The following ANO10 variants were observed in gnomAD, a reference collection of about 807,000 sequenced individuals.
ANO10 encodes the protein anoctamin 10.
In ANO10, 77 loss-of-function variants were observed where a neutral mutation model predicts 74.7. The observed-to-expected ratio is 1.03, with a 90% confidence interval of 0.86 to 1.25. The LOEUF is 1.25. Among genes scored for constraint, ANO10 ranks in the 50% most tolerant of loss-of-function variants. The probability of loss-of-function intolerance (pLI) is 0.00; values close to 1 mark genes in which losing one functional copy is unlikely to be tolerated. For synonymous variants in ANO10, 279 were observed against 284.9 expected (o/e 0.98, Z 0.21); for missense variants, 721 against 778.1 (o/e 0.93, Z 0.87).
intron 11 of ANO10, among the ~76,000 whole-genome samples, chr3:43,497,667 C>G (rs549899471): frequency 6.6e-6 from 1 of 152,278 alleles, no homozygotes; most frequent in African/African-American, 2.4e-5. Flanking sequence ...GGAGGGGCCC[C>G]TACCACCTCC....
intron 11 of ANO10, among the ~76,000 whole-genome samples, chr3:43,549,139 G>A (rs1207128451): frequency 1.3e-5 from 2 of 151,218 alleles, no homozygotes; most frequent in Non-Finnish European, 2.9e-5. Context: ...GTCTCGCTCT[G>A]TTGCCCAGGC....
intron 11 of ANO10, among the ~76,000 whole-genome samples, chr3:43,449,114 T>C (rs2074727563): frequency 6.6e-6 from 1 of 152,120 alleles, no homozygotes; most frequent in African/African-American, 2.4e-5. Flanking sequence ...TGACCTCAAG[T>C]GATCCACCCA....
chr3:43,475,982 T>C (rs1367785256), intron 11 of ANO10, among the ~76,000 whole-genome samples: 1 of 152,216 alleles, frequency 6.6e-6, no homozygotes, highest in East Asian at 1.9e-4. Flanking sequence ...TCTGGTGCCA[T>C]TATCATAATT....
intron 11 of ANO10, among the ~76,000 whole-genome samples, chr3:43,521,569 A>G (rs2077958927): frequency 6.6e-6 from 1 of 152,226 alleles, no homozygotes; most frequent in South Asian, 2.1e-4. Flanking sequence ...ATCACTGGGG[A>G]AATGCAAATC....
At position 43,496,458 on chromosome 3, in the gene ANO10, G is replaced by A. The variant is rs532763502; in HGVS notation, c.1797+53262C>T. 2.0e-5 allele frequency among the ~76,000 whole-genome samples: 3 copies of A among 151,898 alleles called. No individual in the cohort carries two copies. The South Asian group carries it at 6.2e-4, about 32-fold the overall frequency. ...CAATTCTATTCTTTTTTTTGAGGCGGGTTCTTGCTCTGTCACCCAGGCTTG... is the reference window on the plus strand; with the variant it reads ...CAATTCTATTCTTTTTTTTGAGGCGAGTTCTTGCTCTGTCACCCAGGCTTG... On this transcript the variant is annotated intron_variant, in intron 11 of 12. Transcript: ENST00000292246.
chr3:43,619,354 T>C (rs1415045536), intron 1 of ANO10, among the ~76,000 whole-genome samples: 3 of 152,144 alleles, frequency 2.0e-5, no homozygotes, highest in Admixed American at 2.0e-4. Context: ...AGTGGGACAA[T>C]TAGTGAAATT....
At chr3:43,593,235 T>C (rs1343109088) in intron 4 of ANO10, among the ~76,000 whole-genome samples, 1 of 152,084 alleles carries the variant, frequency 6.6e-6, no homozygotes, top group Non-Finnish European at 1.5e-5. Context: ...CAGGCCAACA[T>C]TCAAATACAG....
chr3:43,375,229 T>A (rs2125682679), intron 12 of ANO10, among the ~76,000 whole-genome samples: 1 of 152,138 alleles, frequency 6.6e-6, no homozygotes, highest in South Asian at 2.1e-4. Flanking sequence ...GTGGATCACC[T>A]GAGGTCAGGA....
chr3:43,571,481 T>C (rs539172556), intron 7 of ANO10, among the ~76,000 whole-genome samples: 122 of 152,172 alleles, frequency 8.0e-4, no homozygotes, highest in African/African-American at 2.7e-3. Context: ...GTGGCACATA[T>C]ACACCATGGA....
intron 4 of ANO10, among the ~76,000 whole-genome samples, chr3:43,593,021 T>C (rs1226433600): frequency 3.9e-5 from 6 of 152,020 alleles, no homozygotes; most frequent in Non-Finnish European, 8.8e-5. Flanking sequence ...TGATTGAAGA[T>C]CAAATGAATG....
intron 12 of ANO10, among the ~76,000 whole-genome samples, chr3:43,377,810 C>T (rs1300981262): frequency 6.6e-6 from 1 of 152,144 alleles, no homozygotes; most frequent in Non-Finnish European, 1.5e-5. Flanking sequence ...GAATTGAAGC[C>T]TTGACAGTTT....
intron 1 of ANO10, among the ~76,000 whole-genome samples, chr3:43,650,812 A>G (rs1304118559): frequency 6.6e-6 from 1 of 152,214 alleles, no homozygotes; most frequent in Non-Finnish European, 1.5e-5. Flanking sequence ...GTGTTGTACT[A>G]ACATTAATGT....
At chr3:43,660,365 A>G (rs1156788925) in intron 1 of ANO10, among the ~76,000 whole-genome samples, 1 of 152,098 alleles carries the variant, frequency 6.6e-6, no homozygotes, top group African/African-American at 2.4e-5. Flanking sequence ...AGGTTAGATC[A>G]AGCTAACTAG....
chr3:43,411,255 C>G (rs2092660686), intron 12 of ANO10, among the ~76,000 whole-genome samples: 1 of 152,154 alleles, frequency 6.6e-6, no homozygotes, highest in Non-Finnish European at 1.5e-5. Context: ...CACTAAGAAT[C>G]AGAGCAAGGC....
chr3:43,409,666 T>C (rs921826808), intron 12 of ANO10, among the ~76,000 whole-genome samples: 2 of 152,226 alleles, frequency 1.3e-5, no homozygotes, highest in African/African-American at 4.8e-5. Flanking sequence ...TCATGTTACT[T>C]ACAGCTAATT....
chr3:43,396,589 A>G lies in ANO10; in HGVS notation c.1915-29615T>C, dbSNP rs553252415. Among the ~76,000 whole-genome samples the G allele has an allele frequency of 2.6e-5, 4 of 152,166 alleles. No individual in the cohort carries two copies. In the East Asian group the frequency reaches 5.8e-4, roughly 22 times the overall value. ...CCTGACCTCGTGATCCACCCGCCTC[A>G]GCCTCCCAAAGTGCTGGGATTACAG... On this transcript the variant is annotated intron_variant, in intron 12 of 12. Coordinates refer to ENST00000292246, the MANE Select transcript of ANO10 (RefSeq NM_018075.5).
In ANO10 at chr3:43,665,382, C is replaced by A. The variant is rs534308844; in HGVS notation, c.-12+26135G>T. Among the ~76,000 whole-genome samples the A allele has an allele frequency of 5.1e-4, 77 of 151,704 alleles. 1 individual carries two copies. In the Middle Eastern group the frequency reaches 0.01, roughly 20 times the overall value. On this transcript the variant is annotated intron_variant, in intron 1 of 3. Coordinates refer to the ANO10 transcript ENST00000413397. ...CACACCAGGGCCTGTGGGGGGTGGG[C>A]GGTTAAGGGAGGGATAACATTAGGA...
chr3:43,527,499 T>C (rs2078257576), intron 11 of ANO10, among the ~76,000 whole-genome samples: 1 of 152,164 alleles, frequency 6.6e-6, no homozygotes, highest in African/African-American at 2.4e-5. Context: ...TGGGTTCTCA[T>C]AGGACAATGG....
chr3:43,565,234 G>C (rs746193025), intron 8 of ANO10, among the ~76,000 whole-genome samples: 1 of 152,148 alleles, frequency 6.6e-6, no homozygotes, highest in Non-Finnish European at 1.5e-5. Flanking sequence ...CTTTAGAAAA[G>C]ATACAGCACT....
Sources: allele counts gnomAD v4.1 joint callset (sites outside exome capture counted in the v4.1 genomes callset), GRCh38; gene constraint gnomAD v4.1.1; transcripts MANE v1.5; gene names NCBI Gene and HGNC (gene_info 2026-07-23, HGNC 2026-07-21).